Variants in CCDC158 observed in about 807,000 individuals in gnomAD.
The protein encoded by CCDC158 is coiled-coil domain containing 158.
A neutral mutation model predicts 138.6 loss-of-function variants in CCDC158; 116 were observed. The ratio of observed to expected loss-of-function variants is 0.84; its 90% CI spans 0.72 to 0.98. The LOEUF is 0.98. CCDC158 is among the 50% of genes least tolerant of loss of function. The pLI is 0.00. For missense variants in CCDC158, 1,265 were observed against 1,306.1 expected (o/e 0.97, Z 0.48); for synonymous variants, 436 against 442.4 (o/e 0.99, Z 0.18).
chr4:76,408,584 C>A (rs1376954218), intron 2 of CCDC158, among the ~76,000 whole-genome samples: 1 of 152,140 alleles, frequency 6.6e-6, no homozygotes, highest in Non-Finnish European at 1.5e-5. Flanking sequence ...TCCAGTCTAT[C>A]ATTGTTGGAC....
At position 76,367,627 on chromosome 4, in the gene CCDC158, C is replaced by T. The variant is rs764729163; in HGVS notation, c.1497G>A (p.Ser499=). The T allele has an allele frequency of 6.8e-6, 11 of 1,613,924 alleles. No individual in the cohort carries two copies. Among genetic ancestry groups the T allele is most frequent in the South Asian group, 6.6e-5 (6 of 91,080 alleles). ...TTTCCTGGAGAGAAGTTGTCAGGTC[C>T]GATATTGTCCTCTCTGAGCTCTCCA... The part of the protein sequence containing the change: ...MTLESSERTI[S]DLTTSLQEKE... Residue 499 remains serine (S), a synonymous_variant, in exon 12 of 25, where the codon TCG becomes TCA. Transcript: ENST00000682701.
chr4:76,413,282 TG>T (rs1260194793), intron 1 of CCDC158, among the ~76,000 whole-genome samples: 1 of 151,892 alleles, frequency 6.6e-6, no homozygotes, highest in Non-Finnish European at 1.5e-5. Flanking sequence ...GAGACCAGCC[TG>T]GACAATATAG....
intron 4 of CCDC158, 22 bp downstream of exon 4, chr4:76,396,247 G>T (rs1004741541): frequency 1.3e-6 from 2 of 1,544,762 alleles, no homozygotes; most frequent in South Asian, 1.1e-5. Context: ...AGCATCAGGT[G>T]CTAGAAGAGA....
At chr4:76,329,422 A>G (rs943929503) in intron 21 of CCDC158, among the ~76,000 whole-genome samples, 6 of 152,086 alleles carry the variant, frequency 3.9e-5, no homozygotes, top group African/African-American at 1.2e-4. Flanking sequence ...GTCTCTACTA[A>G]AAATAAGAAA....
rs374690016 is a variant in CCDC158 at position 76,379,370 on chromosome 4, G to A, written c.949C>T (p.Arg317Cys). The A allele has an allele frequency of 1.1e-4, 178 of 1,606,824 alleles. No individual in the cohort carries two copies. Among genetic ancestry groups the A allele is most frequent in the Middle Eastern group, 5.0e-4 (3 of 6,056 alleles). ...QARNQNSMYMRQLSDLESTVS... is the reference protein window; with the variant it reads ...QARNQNSMYMCQLSDLESTVS... ...GTAGATTCCAGATCGCTGAGCTGAC[G>A]CATATACATAGAGTTTTGGTTTCTT... Residue 317 changes from arginine to cysteine, a missense_variant, in exon 9 of 25, where the codon CGT becomes TGT. Arg to Cys is a radical substitution (Grantham distance 180). Coordinates refer to ENST00000682701, the MANE Select transcript of CCDC158 (RefSeq NM_001394954.1).
At chr4:76,388,796 CAG>C (rs149088772) in intron 4 of CCDC158, among the ~76,000 whole-genome samples, 26 of 149,546 alleles carry the variant, frequency 1.7e-4, no homozygotes, top group Non-Finnish European at 2.1e-4. Flanking sequence ...TGGCTCAGCA[CAG>C]AGAGAGAGAG....
At chr4:76,358,022 T>C (rs1723753870) in intron 13 of CCDC158, among the ~76,000 whole-genome samples, 3 of 152,124 alleles carry the variant, frequency 2.0e-5, no homozygotes, top group Admixed American at 2.0e-4. Flanking sequence ...TATTTATTTA[T>C]ATGTATCTAT....
chr4:76,331,596 T>C (rs943850391), intron 20 of CCDC158, among the ~76,000 whole-genome samples, 193 bp from the exon 21 acceptor site: 1 of 152,210 alleles, frequency 6.6e-6, no homozygotes, highest in Non-Finnish European at 1.5e-5. Flanking sequence ...TAGATAGATA[T>C]GGATTCAAAA....
Position 76,384,627 on chromosome 4 carries a change from C to T in CCDC158, c.327G>A (p.Arg109=). The change falls in exon 5 of 25, where the codon AGG becomes AGA. Residue 109 remains arginine, a synonymous_variant. Coordinates refer to ENST00000682701, the MANE Select transcript of CCDC158 (RefSeq NM_001394954.1). ...ELHEKQKFYL[R]QSVIDLQTKL... is the part of the protein sequence containing the mutation. ...TTGTTTGCAAATCAATGACTGACTGCCTCAAATAAAACTTTTGTTTCTCAT... is the reference window on the plus strand; with the variant it reads ...TTGTTTGCAAATCAATGACTGACTGTCTCAAATAAAACTTTTGTTTCTCAT... The T allele has an allele frequency of 6.2e-7, 1 of 1,613,476 alleles. No homozygotes were observed. Among genetic ancestry groups the T allele is most frequent in the African/African-American group, 1.3e-5 (1 of 74,964 alleles).
At chr4:76,372,605 CATT>C (rs1725345957) in intron 9 of CCDC158, among the ~76,000 whole-genome samples, 1 of 152,010 alleles carries the variant, frequency 6.6e-6, no homozygotes, top group Non-Finnish European at 1.5e-5. Context: ...TAGCTATTGT[CATT>C]ATTTTATAGC....
chr4:76,347,987 T>C (rs1255145115), intron 18 of CCDC158, among the ~76,000 whole-genome samples: 1 of 152,176 alleles, frequency 6.6e-6, no homozygotes, highest in Non-Finnish European at 1.5e-5. Context: ...AGAAATTTAC[T>C]GTTCACAGTT....
At chr4:76,318,183 A>T (rs1423148744) in intron 24 of CCDC158, among the ~76,000 whole-genome samples, 1 of 152,132 alleles carries the variant, frequency 6.6e-6, no homozygotes, top group Non-Finnish European at 1.5e-5. Context: ...ATGAAATTGA[A>T]GTAAATAAAT....
At chr4:76,348,212 C>G (rs1722737742) in intron 18 of CCDC158, among the ~76,000 whole-genome samples, 1 of 144,276 alleles carries the variant, frequency 6.9e-6, no homozygotes, top group Non-Finnish European at 1.5e-5. Flanking sequence ...ATCCTGAGGT[C>G]AGGAGATCGA....
At chr4:76,317,473 A>G (rs1334072044) in intron 24 of CCDC158, among the ~76,000 whole-genome samples, 1 of 152,176 alleles carries the variant, frequency 6.6e-6, no homozygotes. Context: ...GAGCTCCCAA[A>G]TTTATAAAAT....
At chr4:76,355,520 A>G in intron 14 of CCDC158, 84 bp from the exon 15 acceptor site, 3 of 890,578 alleles carry the variant, frequency 3.4e-6, no homozygotes, top group Non-Finnish European at 3.8e-6. Context: ...CTTTATGAGA[A>G]GGTGACAAGT....
At chr4:76,330,245 C>T (rs563082808) in intron 21 of CCDC158, among the ~76,000 whole-genome samples, 1 of 152,200 alleles carries the variant, frequency 6.6e-6, no homozygotes, top group African/African-American at 2.4e-5. Context: ...TGAGTTCAAA[C>T]CTGAGCTCCA....
At chr4:76,388,337 C>T (rs1727009026) in intron 4 of CCDC158, among the ~76,000 whole-genome samples, 1 of 152,032 alleles carries the variant, frequency 6.6e-6, no homozygotes, top group African/African-American at 2.4e-5. Flanking sequence ...CTGGACCTGC[C>T]CTGTGTCAGA....
chr4:76,395,466 G>GGA (rs1338644440), intron 4 of CCDC158, among the ~76,000 whole-genome samples: 2 of 152,158 alleles, frequency 1.3e-5, no homozygotes, highest in Non-Finnish European at 2.9e-5. Flanking sequence ...ACTGTACAGA[G>GGA]GAGAGCACAC....
chr4:76,421,719 ATT>A (rs1730145560), upstream of CCDC158: 1 of 113,310 alleles, frequency 8.8e-6, no homozygotes, highest in South Asian at 3.1e-4. Context: ...CCATTTGACC[ATT>A]TCAAGTTAAC....
Sources: gnomAD v4.1 joint callset for allele counts (sites outside exome capture counted in the v4.1 genomes callset) on GRCh38, gnomAD v4.1.1 for gene constraint, MANE v1.5 for transcripts, NCBI Gene and HGNC (gene_info 2026-07-23, HGNC 2026-07-21) for gene names.